Variants in TUT4 observed in about 807,000 individuals in gnomAD.
The protein encoded by TUT4 is terminal uridylyltransferase 4.
Under a neutral mutation model 192.2 loss-of-function variants are expected in TUT4, and 36 were observed. That is an observed-to-expected ratio of 0.19 (90% CI 0.14 to 0.25). The LOEUF is 0.25. Ranked by LOEUF, TUT4 falls within the 10% of genes least tolerant of loss-of-function variation. The probability of loss-of-function intolerance (pLI) is 1.00; values close to 1 mark genes in which losing one functional copy is unlikely to be tolerated. For missense variants in TUT4, 1,493 were observed against 1,957.2 expected, an observed-to-expected ratio of 0.76 and a Z score of 4.47; for synonymous variants, 618 against 666.0, an observed-to-expected ratio of 0.93 and a Z score of 1.11.
chr1:52,517,954 T>G (rs1267039053), intron 2 of TUT4, among the ~76,000 whole-genome samples: 1 of 152,144 alleles, frequency 6.6e-6, no homozygotes, highest in Non-Finnish European at 1.5e-5. Context: ...CACAAAGAAT[T>G]AGAGAAAGCT....
chr1:52,463,478 AACC>A, intron 16 of TUT4: 2 of 1,049,828 alleles, frequency 1.9e-6, no homozygotes, highest in South Asian at 6.0e-5. Context: ...ACAATTTCAA[AACC>A]ACCGTTCAAA....
intron 24 of TUT4, among the ~76,000 whole-genome samples, chr1:52,444,021 A>C (rs1024345241): frequency 6.6e-6 from 1 of 152,208 alleles, no homozygotes; most frequent in Non-Finnish European, 1.5e-5. Context: ...GTGGATCATG[A>C]GGTCAGGAGA....
chr1:52,479,325 G>A (rs1026265686), intron 11 of TUT4, among the ~76,000 whole-genome samples: 2 of 152,176 alleles, frequency 1.3e-5, no homozygotes, highest in Non-Finnish European at 2.9e-5. Flanking sequence ...TTAAGTTTTA[G>A]AAGAACTGTT....
intron 4 of TUT4, among the ~76,000 whole-genome samples, chr1:52,508,599 G>C (rs1302552464): frequency 6.6e-6 from 1 of 152,124 alleles, no homozygotes; most frequent in African/African-American, 2.4e-5. Flanking sequence ...GGGAAGAGAA[G>C]GTAGACAGCC....
intron 3 of TUT4, 156 bp downstream of exon 3, chr1:52,515,732 AAAG>A: frequency 1.2e-6 from 1 of 805,178 alleles, no homozygotes; most frequent in Non-Finnish European, 2.0e-6. Flanking sequence ...GCAAGGAAGA[AAAG>A]AGGGAAAGAA....
chr1:52,446,093 T>C (rs187351370), intron 22 of TUT4, 89 bp from the exon 23 acceptor site: 6 of 1,349,518 alleles, frequency 4.4e-6, no homozygotes, highest in East Asian at 4.6e-5. Flanking sequence ...CTAATACTTA[T>C]ATGTACTCAG....
intron 9 of TUT4, among the ~76,000 whole-genome samples, chr1:52,487,778 A>G (rs569033550): frequency 2.0e-5 from 3 of 152,308 alleles, no homozygotes; most frequent in African/African-American, 4.8e-5. Flanking sequence ...CTCCTTTCTG[A>G]AGAAACTAGG....
At chr1:52,455,607 T>TG (rs758287639) in intron 20 of TUT4, among the ~76,000 whole-genome samples, 822 of 40,558 alleles carry the variant, frequency 0.02, 10 homozygotes, top group Middle Eastern at 0.028. Context: ...ACGCTACCTT[T>TG]AAAAAAAAAA....
At chr1:52,527,682 C>A (rs187760745) in intron 1 of TUT4, among the ~76,000 whole-genome samples, 50 of 152,138 alleles carry the variant, frequency 3.3e-4, no homozygotes, top group South Asian at 2.9e-3. Flanking sequence ...ATGCACATTA[C>A]CAAGAATGAA....
At chr1:52,533,838 C>T (rs983353496) in intron 1 of TUT4, among the ~76,000 whole-genome samples, 1 of 152,072 alleles carries the variant, frequency 6.6e-6, no homozygotes, top group Admixed American at 6.5e-5. Context: ...TGGTAGCACA[C>T]ACCTGTAATC....
chr1:52,523,804 T>C (rs1680949088), intron 2 of TUT4, among the ~76,000 whole-genome samples: 2 of 152,192 alleles, frequency 1.3e-5, no homozygotes, highest in Non-Finnish European at 2.9e-5. Flanking sequence ...TCAACTCTAT[T>C]AAAATTCTTT....
At chr1:52,491,032 T>C (rs1268621067) in intron 7 of TUT4, among the ~76,000 whole-genome samples, 1 of 152,168 alleles carries the variant, frequency 6.6e-6, no homozygotes, top group East Asian at 1.9e-4. Flanking sequence ...AAAATTATAA[T>C]CACCTTAAGA....
chr1:52,479,920 G>C (rs1668051008), intron 11 of TUT4, among the ~76,000 whole-genome samples: 1 of 151,616 alleles, frequency 6.6e-6, no homozygotes, highest in South Asian at 2.1e-4. Flanking sequence ...GTGTGAACCT[G>C]GGAGGCAGAG....
chr1:52,472,532 AGTTG>A (rs1666032192), intron 13 of TUT4, among the ~76,000 whole-genome samples: 1 of 151,504 alleles, frequency 6.6e-6, no homozygotes, highest in African/African-American at 2.4e-5. Context: ...ACCCTCACTT[AGTTG>A]GTTTATTAAA....
chr1:52,526,369 G>T lies in TUT4; in HGVS notation c.-89C>A. The T allele has an allele frequency of 8.6e-7, 1 of 1,156,464 alleles. No homozygotes were observed. The highest frequency in any genetic ancestry group is 1.1e-6 in the Non-Finnish European group (1 of 894,982). The allele number at this position is 1,156,464 out of a possible 1,614,324, so 71.6% of individuals were successfully genotyped here. A position where few individuals can be genotyped will look rare whatever the true frequency, so the allele number is the denominator to read the frequency against. On this transcript the variant is annotated 5_prime_UTR_variant, in exon 2 of 30. Transcript: ENST00000257177. ...ATTGCTTCAAGTCCAGTTTAGGCAA[G>T]CAAACTATTGGGTTAAAAAAAAGAG...
intron 11 of TUT4, among the ~76,000 whole-genome samples, chr1:52,479,098 G>A (rs147139755): frequency 1.3e-3 from 205 of 152,194 alleles, no homozygotes; most frequent in African/African-American, 3.6e-3. Context: ...GAGAAGGTAC[G>A]GTTTAAGAAG....
intron 4 of TUT4, among the ~76,000 whole-genome samples, chr1:52,504,523 G>A (rs929978009): frequency 5.3e-5 from 8 of 152,014 alleles, no homozygotes; most frequent in African/African-American, 9.7e-5. Context: ...CCAGCTACTC[G>A]GGAGGCTGAA....
At chr1:52,488,870 T>C in intron 9 of TUT4, 39 bp downstream of exon 9, 1 of 1,572,192 alleles carries the variant, frequency 6.4e-7, no homozygotes, top group South Asian at 1.2e-5. Flanking sequence ...CATTTCCTTC[T>C]AAAAATATAA....
At chr1:52,471,008 CTTT>C (rs771331613) in intron 14 of TUT4, among the ~76,000 whole-genome samples, 3 of 82,144 alleles carry the variant, frequency 3.7e-5, no homozygotes, top group Non-Finnish European at 4.5e-5. Context: ...GCACTCTATG[CTTT>C]TTTTTTTTTT....
Sources: allele counts gnomAD v4.1 joint callset (sites outside exome capture counted in the v4.1 genomes callset), GRCh38; gene constraint gnomAD v4.1.1; transcripts MANE v1.5; gene names NCBI Gene and HGNC (gene_info 2026-07-23, HGNC 2026-07-21).